The following SLC35F1 variants were observed in gnomAD, a reference collection of about 807,000 sequenced individuals.
The protein encoded by SLC35F1 is solute carrier family 35 member F1.
Under a neutral mutation model 48.7 loss-of-function variants are expected in SLC35F1, and 14 were observed. The observed-to-expected ratio is 0.29, with a 90% CI of 0.19 to 0.45. The LOEUF is 0.45. SLC35F1 is among the 20% of genes least tolerant of loss of function. The pLI is 1.00. For synonymous variants in SLC35F1, 190 were observed against 202.2 expected (o/e 0.94, Z 0.51); for missense variants, 404 against 500.0 (o/e 0.81, Z 1.83).
chr6:118,003,684 G>A (rs1404330742), intron 1 of SLC35F1, among the ~76,000 whole-genome samples: 1 of 152,170 alleles, frequency 6.6e-6, no homozygotes, highest in Non-Finnish European at 1.5e-5. Context: ...AAGATAACAT[G>A]ACTTAATATA....
chr6:118,051,263 C>CA (rs1218142089), intron 1 of SLC35F1, among the ~76,000 whole-genome samples: 2 of 151,888 alleles, frequency 1.3e-5, no homozygotes, highest in Admixed American at 1.3e-4. Flanking sequence ...TTTAATTTTC[C>CA]AAAAAAGAAG....
chr6:118,191,266 G>T (rs911630853), intron 2 of SLC35F1, among the ~76,000 whole-genome samples: 1 of 152,166 alleles, frequency 6.6e-6, no homozygotes, highest in Non-Finnish European at 1.5e-5. Context: ...GGTTATCTAT[G>T]TATAAGGCTA....
chr6:117,930,295 C>T (rs774558990), intron 1 of SLC35F1, among the ~76,000 whole-genome samples: 8 of 152,126 alleles, frequency 5.3e-5, no homozygotes, highest in Non-Finnish European at 1.0e-4. Context: ...GCTCTGTTTC[C>T]TCTTAGCATT....
chr6:118,167,766 G>A (rs1582707317), intron 2 of SLC35F1, among the ~76,000 whole-genome samples: 1 of 152,080 alleles, frequency 6.6e-6, no homozygotes, highest in Non-Finnish European at 1.5e-5. Flanking sequence ...TAAAAATTAA[G>A]TAATTTCATT....
chr6:118,072,518 C>T (rs1396159473), intron 1 of SLC35F1, among the ~76,000 whole-genome samples: 6 of 152,000 alleles, frequency 3.9e-5, no homozygotes, highest in South Asian at 2.1e-4. Context: ...GAGCAGAGAT[C>T]GTGCCACTGC....
intron 1 of SLC35F1, among the ~76,000 whole-genome samples, chr6:118,111,709 C>G (rs535215206): frequency 1.3e-5 from 2 of 152,156 alleles, no homozygotes; most frequent in African/African-American, 4.8e-5. Context: ...CTTAATTGAT[C>G]TAACAGATAA....
intron 7 of SLC35F1, among the ~76,000 whole-genome samples, chr6:118,309,782 A>C: frequency 6.6e-6 from 1 of 152,230 alleles, no homozygotes; most frequent in Non-Finnish European, 1.5e-5. Context: ...CATCAACCAA[A>C]TAGCAATCAA....
At chr6:117,945,151 A>G (rs1172087196) in intron 1 of SLC35F1, among the ~76,000 whole-genome samples, 1 of 152,112 alleles carries the variant, frequency 6.6e-6, no homozygotes, top group African/African-American at 2.4e-5. Flanking sequence ...CATTTGGAAA[A>G]GCTGTGGGGC....
chr6:118,287,107 A>G (rs1057143400), intron 7 of SLC35F1, among the ~76,000 whole-genome samples: 2 of 152,138 alleles, frequency 1.3e-5, no homozygotes, highest in African/African-American at 4.8e-5. Context: ...TTCCCAAGCT[A>G]CCTTGGTCCT....
chr6:118,140,237 C>T (rs949972085), intron 1 of SLC35F1, among the ~76,000 whole-genome samples: 6 of 152,130 alleles, frequency 3.9e-5, no homozygotes, highest in African/African-American at 1.4e-4. Context: ...AAGGAAGTTG[C>T]GTCTTGGTTC....
intron 1 of SLC35F1, among the ~76,000 whole-genome samples, chr6:117,974,320 T>C (rs1489568923): frequency 6.6e-6 from 1 of 152,208 alleles, no homozygotes; most frequent in Non-Finnish European, 1.5e-5. Flanking sequence ...ACTAGCAATG[T>C]TCCAAACATA....
intron 1 of SLC35F1, among the ~76,000 whole-genome samples, chr6:118,093,897 G>A (rs926179323): frequency 3.9e-5 from 6 of 152,176 alleles, no homozygotes; most frequent in African/African-American, 1.4e-4. Context: ...TGAGTAAGAA[G>A]AGGACTGATA....
At chr6:117,947,976 A>C (rs1776316129) in intron 1 of SLC35F1, among the ~76,000 whole-genome samples, 1 of 152,194 alleles carries the variant, frequency 6.6e-6, no homozygotes, top group South Asian at 2.1e-4. Flanking sequence ...TAAGAGCTCA[A>C]GACGAGGAAC....
At chr6:118,143,808 A>G (rs1773929201) in intron 1 of SLC35F1, among the ~76,000 whole-genome samples, 1 of 152,194 alleles carries the variant, frequency 6.6e-6, no homozygotes. Flanking sequence ...AATCCTCATG[A>G]CAGCCTGTGG....
intron 1 of SLC35F1, among the ~76,000 whole-genome samples, chr6:118,138,342 A>G (rs183800139): frequency 1.3e-5 from 2 of 152,244 alleles, no homozygotes; most frequent in Non-Finnish European, 2.9e-5. Flanking sequence ...TTAGAGGAAA[A>G]AACCACAGGA....
At chr6:118,250,591 C>T (rs891519458) in intron 3 of SLC35F1, among the ~76,000 whole-genome samples, 3 of 152,200 alleles carry the variant, frequency 2.0e-5, no homozygotes, top group African/African-American at 4.8e-5. Context: ...CCAGAGAGGG[C>T]TTCCTGGAGG....
At chr6:118,271,292 T>C (rs1049464773) in intron 4 of SLC35F1, among the ~76,000 whole-genome samples, 1 of 152,188 alleles carries the variant, frequency 6.6e-6, no homozygotes, top group African/African-American at 2.4e-5. Flanking sequence ...GTGGCCCAGA[T>C]ATGAAATTTA....
At chr6:118,090,901 G>A (rs1773063914) in intron 1 of SLC35F1, among the ~76,000 whole-genome samples, 1 of 152,172 alleles carries the variant, frequency 6.6e-6, no homozygotes, top group African/African-American at 2.4e-5. Flanking sequence ...GACACAAGAA[G>A]ATGGTGGGCT....
chr6:118,042,799 G>T (rs1298018959), intron 1 of SLC35F1, among the ~76,000 whole-genome samples: 3 of 152,156 alleles, frequency 2.0e-5, no homozygotes, highest in African/African-American at 7.2e-5. Flanking sequence ...TGCCTTAGAA[G>T]CTACCAGTAT....
Sources: gnomAD v4.1 joint callset for allele counts (sites outside exome capture counted in the v4.1 genomes callset) on GRCh38, gnomAD v4.1.1 for gene constraint, MANE v1.5 for transcripts, NCBI Gene and HGNC (gene_info 2026-07-23, HGNC 2026-07-21) for gene names.